Variants in TOPAZ1 observed in about 807,000 individuals in gnomAD.
The protein encoded by TOPAZ1 is protein TOPAZ1.
Under a neutral mutation model 172.2 loss-of-function variants are expected in TOPAZ1, and 66 were observed. The ratio of observed to expected loss-of-function variants is 0.38; its 90% CI spans 0.31 to 0.47. The LOEUF (loss-of-function observed/expected upper bound fraction) is 0.47, where lower values mean the gene tolerates loss of function less well. TOPAZ1 is among the 20% of genes least tolerant of loss of function. The probability of loss-of-function intolerance (pLI) is 0.99; values close to 1 mark genes in which losing one functional copy is unlikely to be tolerated. For synonymous variants in TOPAZ1, 681 were observed against 683.9 expected, an observed-to-expected ratio of 1.00 and a Z score of 0.07; for missense variants, 1,822 against 1,972.4, an observed-to-expected ratio of 0.92 and a Z score of 1.44.
chr3:44,326,447 A>G (rs1288760569), intron 18 of TOPAZ1, among the ~76,000 whole-genome samples: 14 of 151,320 alleles, frequency 9.3e-5, no homozygotes, highest in Non-Finnish European at 2.1e-4. Context: ...TCATTCGTAT[A>G]TTTTCTTTTG....
At position 44,245,174 on chromosome 3, in the gene TOPAZ1, A is replaced by G. The variant is rs1431618712; in HGVS notation, c.2668A>G (p.Lys890Glu). Residue 890 changes from lysine (K) to glutamate (E), a missense_variant, in exon 2 of 20, where the codon AAG becomes GAG. Lys to Glu is a moderately conservative substitution (Grantham distance 56, BLOSUM62 1). Around this residue, in one of 2 missense-constraint regions of TOPAZ1, gnomAD observed 1,489 missense variants for 1,490.8 expected, o/e 1.00. Coordinates refer to ENST00000309765, the MANE Select transcript of TOPAZ1 (RefSeq NM_001145030.2). Reference sequence around the variant, plus strand: ...GCTCTCATTTACTTCTGAGGTCCCAAAGATAAGCCAGGAGCCCAATGTTGC... The same window carrying G: ...GCTCTCATTTACTTCTGAGGTCCCAGAGATAAGCCAGGAGCCCAATGTTGC... ...GELSFTSEVP[K>E]ISQEPNVAGE... 2 of 1,551,954 alleles carry G rather than the reference A, an allele frequency of 1.3e-6. No individual in the cohort carries two copies. The highest frequency in any genetic ancestry group is 2.0e-5 in the Admixed American group (1 of 51,002).
At chr3:44,294,521 A>G (rs886480602) in intron 12 of TOPAZ1, among the ~76,000 whole-genome samples, 2 of 152,012 alleles carry the variant, frequency 1.3e-5, no homozygotes, top group Admixed American at 6.6e-5. Flanking sequence ...TTGAGACAGT[A>G]TCTCCCTCTG....
At chr3:44,276,793 G>GT (rs529865946) in intron 8 of TOPAZ1, among the ~76,000 whole-genome samples, 9 of 151,042 alleles carry the variant, frequency 6.0e-5, no homozygotes, top group Non-Finnish European at 1.0e-4. Context: ...CAGCTTTTTT[G>GT]TTTTTTTGGT....
intron 16 of TOPAZ1, among the ~76,000 whole-genome samples, chr3:44,311,057 G>A (rs1700392527): frequency 6.6e-6 from 1 of 152,056 alleles, no homozygotes. Flanking sequence ...AGTTTAGGTG[G>A]GAAGATGGAA....
chr3:44,269,088 CTG>C, intron 6 of TOPAZ1, 126 bp from the exon 7 acceptor site: 1 of 668,324 alleles, frequency 1.5e-6, no homozygotes, highest in Non-Finnish European at 2.7e-6. Context: ...GCAGCACAGT[CTG>C]TGAACTGAAT....
In TOPAZ1 at chr3:44,323,262, C is replaced by T. The variant is rs1317652470; in HGVS notation, c.4642C>T (p.Arg1548Cys). 9.7e-6 allele frequency: 15 copies of T among 1,549,198 alleles called. No homozygotes were observed. The South Asian group carries it at 1.1e-4, about 11-fold the overall frequency. Residue 1548 changes from arginine (R) to cysteine (C), a missense_variant, in exon 18 of 20, where the codon CGT (arginine) becomes TGT (cysteine). Coordinates refer to ENST00000309765, the MANE Select transcript of TOPAZ1 (RefSeq NM_001145030.2). ...ATTAATTACTTCTTTAGGAAGGAGTCGTTTATGGCTCAAAGCCAGAGCCCA... is the reference window on the plus strand; with the variant it reads ...ATTAATTACTTCTTTAGGAAGGAGTTGTTTATGGCTCAAAGCCAGAGCCCA... ...RRLITSLGRSRLWLKARAHYK... is the reference protein window; with the variant it reads ...RRLITSLGRSCLWLKARAHYK...
chr3:44,264,454 T>G (rs765582268), intron 5 of TOPAZ1, among the ~76,000 whole-genome samples: 11 of 152,242 alleles, frequency 7.2e-5, no homozygotes, highest in Non-Finnish European at 1.5e-4. Context: ...AAAAATACTT[T>G]ATTGCCAAAA....
downstream of TOPAZ1, among the ~76,000 whole-genome samples, chr3:44,336,025 G>A (rs1700720817): frequency 6.6e-6 from 1 of 152,204 alleles, no homozygotes; most frequent in African/African-American, 2.4e-5. Context: ...AACCCTTTGT[G>A]TGGATATTTG....
At chr3:44,272,434 C>T (rs995550024) in intron 8 of TOPAZ1, among the ~76,000 whole-genome samples, 1 of 152,190 alleles carries the variant, frequency 6.6e-6, no homozygotes, top group Non-Finnish European at 1.5e-5. Flanking sequence ...TTGATAATAG[C>T]CATTCTGACA....
At chr3:44,309,804 T>C in intron 15 of TOPAZ1, 21 bp from the exon 16 acceptor site, 2 of 1,431,754 alleles carry the variant, frequency 1.4e-6, no homozygotes, top group Non-Finnish European at 1.9e-6. Flanking sequence ...ACCCAATTAG[T>C]GTTCTTTATT....
chr3:44,330,139 C>G (rs1439183852), intron 19 of TOPAZ1, among the ~76,000 whole-genome samples: 1 of 152,074 alleles, frequency 6.6e-6, no homozygotes, highest in Non-Finnish European at 1.5e-5. Context: ...TATTTTAGTT[C>G]CACCTTCAAA....
At chr3:44,256,954 T>C (rs893231299) in intron 4 of TOPAZ1, among the ~76,000 whole-genome samples, 2 of 152,202 alleles carry the variant, frequency 1.3e-5, no homozygotes, top group Admixed American at 6.5e-5. Context: ...TGCTTCCTTA[T>C]TGATCTTTTA....
chr3:44,285,417 G>A (rs1349366916), intron 9 of TOPAZ1, among the ~76,000 whole-genome samples: 1 of 152,076 alleles, frequency 6.6e-6, no homozygotes, highest in Non-Finnish European at 1.5e-5. Flanking sequence ...AGTGAGCCGA[G>A]ATCACAACAC....
At chr3:44,321,341 A>G (rs1483889701) in intron 17 of TOPAZ1, 150 bp downstream of exon 17, 3 of 591,682 alleles carry the variant, frequency 5.1e-6, no homozygotes, top group Non-Finnish European at 8.3e-6. Flanking sequence ...GTTCTCTGCA[A>G]ATTGAATATA....
intron 19 of TOPAZ1, among the ~76,000 whole-genome samples, chr3:44,330,365 G>A (rs567769158): frequency 6.6e-6 from 1 of 152,214 alleles, no homozygotes; most frequent in African/African-American, 2.4e-5. Flanking sequence ...CATAACTAGT[G>A]ACATACCTAA....
At chr3:44,302,430 TA>T (rs1441387548) in intron 12 of TOPAZ1, among the ~76,000 whole-genome samples, 1 of 152,064 alleles carries the variant, frequency 6.6e-6, no homozygotes, top group Non-Finnish European at 1.5e-5. Context: ...AATGGTAAAA[TA>T]AAATGTCCAT....
At chr3:44,258,333 A>G (rs996464504) in intron 4 of TOPAZ1, among the ~76,000 whole-genome samples, 3 of 152,216 alleles carry the variant, frequency 2.0e-5, no homozygotes, top group African/African-American at 7.2e-5. Flanking sequence ...TTGCAAAACC[A>G]TAGTACAATA....
At chr3:44,304,160 C>A in intron 13 of TOPAZ1, 79 bp downstream of exon 13, 5 of 774,370 alleles carry the variant, frequency 6.5e-6, no homozygotes, top group South Asian at 2.1e-5. Context: ...AATAATAACC[C>A]CATTTTATGA....
intron 11 of TOPAZ1, 60 bp from the exon 12 acceptor site, chr3:44,290,711 G>T: frequency 1.0e-6 from 1 of 991,708 alleles, no homozygotes; most frequent in Non-Finnish European, 1.5e-6. Context: ...CACACACATT[G>T]GCTCCTCAAT....
Sources: gnomAD v4.1 joint callset for allele counts (sites outside exome capture counted in the v4.1 genomes callset) on GRCh38, gnomAD v4.1.1 for gene constraint, gnomAD v4.1.1 regional missense constraint, MANE v1.5 for transcripts, NCBI Gene and HGNC (gene_info 2026-07-23, HGNC 2026-07-21) for gene names.